The following GPSM2 variants were observed in gnomAD, a reference collection of about 807,000 sequenced individuals.
GPSM2 encodes G protein signaling modulator 2, also known as G protein-signaling modulator 2.
Under a neutral mutation model 78.4 loss-of-function variants are expected in GPSM2, and 58 were observed. The ratio of observed to expected loss-of-function variants is 0.74; its 90% confidence interval spans 0.60 to 0.92. GPSM2 has a LOEUF of 0.92. Ranked by LOEUF, GPSM2 falls within the 40% of genes least tolerant of loss-of-function variation. The pLI, the probability that GPSM2 is intolerant of heterozygous loss-of-function variation, is 0.00. For missense variants in GPSM2, 700 were observed against 815.5 expected (o/e 0.86, Z 1.73); for synonymous variants, 224 against 280.2 (o/e 0.80, Z 2.00).
At chr1:108,914,286 TGTACTC>T in intron 10 of GPSM2, 46 bp from the exon 11 acceptor site, 1 of 1,189,926 alleles carries the variant, frequency 8.4e-7, no homozygotes, top group Admixed American at 1.7e-5. Flanking sequence ...ATGCTGAACT[TGTACTC>T]TTAAGGGCTC....
rs957802790 is a variant in GPSM2 at position 108,932,557 on chromosome 1, T to C, written c.*2617T>C. 12 of 152,224 alleles carry C rather than the reference T, an allele frequency of 7.9e-5. No homozygotes were observed. Among genetic ancestry groups the C allele is most frequent in the Non-Finnish European group, 1.3e-4 (9 of 68,044 alleles). The allele number at this position is 152,224 out of a possible 1,614,324, so 9.4% of individuals were successfully genotyped here. On this transcript the variant is annotated 3_prime_UTR_variant, in exon 15 of 15. Coordinates refer to ENST00000264126, the MANE Select transcript of GPSM2 (RefSeq NM_013296.5). ...TATTTAAAAATTTTTTAAAAGAATTTGGTTTTGGATTAAAAGGCATGCAAG... is the reference window on the plus strand; with the variant it reads ...TATTTAAAAATTTTTTAAAAGAATTCGGTTTTGGATTAAAAGGCATGCAAG...
intron 10 of GPSM2, among the ~76,000 whole-genome samples, chr1:108,913,481 CAT>C (rs1649930432): frequency 6.6e-6 from 1 of 152,168 alleles, no homozygotes; most frequent in Admixed American, 6.5e-5. Flanking sequence ...ATCTCACAAA[CAT>C]AAGGTTTCTC....
rs1651930563 is a variant in GPSM2, at chr1:108,931,357, T to TAA, written c.*1418_*1419dup. ...AGGGGATGATAACAAAGTAACTAACTAACTGTAGCAAAAGACAAGTATGGG... is the reference window on the plus strand; with the variant it reads ...AGGGGATGATAACAAAGTAACTAACTAAAACTGTAGCAAAAGACAAGTATGGG... On this transcript the variant is annotated 3_prime_UTR_variant, in exon 15 of 15. Coordinates refer to ENST00000264126, the MANE Select transcript of GPSM2 (RefSeq NM_013296.5). 1 of 1,550,982 alleles carries TAA rather than the reference T, an allele frequency of 6.4e-7. No individual in the cohort carries two copies. The highest frequency in any genetic ancestry group is 2.0e-5 in the Admixed American group (1 of 50,954).
intron 2 of GPSM2, among the ~76,000 whole-genome samples, chr1:108,887,307 A>C (rs1647638125): frequency 6.6e-6 from 1 of 152,218 alleles, no homozygotes; most frequent in African/African-American, 2.4e-5. Flanking sequence ...TGTAACAGAC[A>C]CAACTCTCTA....
intron 12 of GPSM2, 95 bp from the exon 13 acceptor site, chr1:108,922,322 T>C: frequency 2.3e-6 from 2 of 885,024 alleles, no homozygotes; most frequent in Non-Finnish European, 3.8e-6. Context: ...CCTCATCCTT[T>C]ACCTTTTGCA....
chr1:108,897,753 A>C, intron 4 of GPSM2, 126 bp downstream of exon 4: 1 of 1,011,834 alleles, frequency 9.9e-7, no homozygotes, highest in African/African-American at 1.6e-5. Context: ...TTTATAGACT[A>C]ATAGAAGTAA....
Position 108,924,181 on chromosome 1 carries a change from TGAA to T in GPSM2, c.1785_1787del (p.Glu595del), listed in dbSNP as rs1276133696. The T allele has an allele frequency of 1.9e-6, 3 of 1,613,292 alleles. No homozygotes were observed. The highest frequency in any genetic ancestry group is 1.7e-6 in the Non-Finnish European group (2 of 1,179,358). On this transcript the variant is annotated inframe_deletion, in exon 14 of 15. Transcript: ENST00000264126. Reference sequence around the variant, plus strand: ...TGACTAATGACAACAAAGAGGCTGATGAAGATTTCTTTGACATCCTTGTAAAAT... The same window carrying T: ...TGACTAATGACAACAAAGAGGCTGATGATTTCTTTGACATCCTTGTAAAAT...
At chr1:108,919,923 TG>T (rs1447835225) in intron 12 of GPSM2, among the ~76,000 whole-genome samples, 1 of 150,840 alleles carries the variant, frequency 6.6e-6, no homozygotes, top group Non-Finnish European at 1.5e-5. Context: ...CCCAGCACTT[TG>T]GGAGGCAAAG....
intron 7 of GPSM2, among the ~76,000 whole-genome samples, chr1:108,900,525 C>A (rs531572933): frequency 2.0e-5 from 3 of 152,282 alleles, no homozygotes; most frequent in East Asian, 3.9e-4. Context: ...AGGCGTGAAC[C>A]ACCACACCCA....
chr1:108,918,485 T>A, intron 11 of GPSM2, 128 bp from the exon 12 acceptor site: 1 of 693,272 alleles, frequency 1.4e-6, no homozygotes, highest in Non-Finnish European at 2.5e-6. Flanking sequence ...TTTAAAGAGA[T>A]CTAAAATTCT....
rs1456625996 is a variant in GPSM2 at position 108,903,190 on chromosome 1, C to G, written c.1018C>G (p.Gln340Glu). ...ATACACAGCACTAGGAAATCATGAT[C>G]AAGCAATGCATTTTGCTGAAAAGCA... ...NAYTALGNHD[Q>E]AMHFAEKHLE... Residue 340 changes from glutamine (Q) to glutamate (E), a missense_variant, in exon 9 of 15, where the codon CAA (glutamine) becomes GAA (glutamate). Transcript: ENST00000264126. 5.0e-6 allele frequency: 8 copies of G among 1,610,248 alleles called. No individual in the cohort carries two copies. The East Asian group carries it at 1.8e-4, about 36-fold the overall frequency.
At position 108,932,513 on chromosome 1, in the gene GPSM2, G is replaced by T. The variant is rs1652171575; in HGVS notation, c.*2573G>T. Reference sequence around the variant, plus strand: ...CCCCAAATGGATATCTGTAATGAAAGAATACAAAGGTGAAATTTTATTTAA... The same window carrying T: ...CCCCAAATGGATATCTGTAATGAAATAATACAAAGGTGAAATTTTATTTAA... On this transcript the variant is annotated 3_prime_UTR_variant, in exon 15 of 15. Transcript: ENST00000264126. 6.6e-6 allele frequency: 1 copy of T among 152,162 alleles called. No homozygotes were observed. The highest frequency in any genetic ancestry group is 2.4e-5 in the African/African-American group (1 of 41,446). The allele number at this position is 152,162 out of a possible 1,614,324, so 9.4% of individuals were successfully genotyped here. A position where few individuals can be genotyped will look rare whatever the true frequency, so the allele number is the denominator to read the frequency against.
intron 2 of GPSM2, among the ~76,000 whole-genome samples, chr1:108,892,732 G>A (rs1359395565): frequency 2.0e-5 from 3 of 152,234 alleles, no homozygotes; most frequent in Admixed American, 1.3e-4. Flanking sequence ...TACTTTCTCT[G>A]TTACTATTTA....
intron 11 of GPSM2, among the ~76,000 whole-genome samples, chr1:108,917,595 TACAC>T (rs71593443): frequency 1.2e-4 from 7 of 57,284 alleles, no homozygotes; most frequent in African/African-American, 3.3e-4. Context: ...AACAAATGTA[TACAC>T]ACACACACAC....
rs1051118418 is a variant in GPSM2 at position 108,930,813 on chromosome 1, C to T, written c.*873C>T. ...CTGAGGCAGGAGAATCACTTGAACC[C>T]CTGGGAGGCAGAGATTGCAGTGAGC... On this transcript the variant is annotated 3_prime_UTR_variant, in exon 15 of 15. Transcript: ENST00000264126. 2 of 152,632 alleles carry T rather than the reference C, an allele frequency of 1.3e-5. No homozygotes were observed. Among genetic ancestry groups the T allele is most frequent in the African/African-American group, 4.8e-5 (2 of 41,362 alleles). 9.5% of individuals were successfully genotyped at this position (152,632 alleles called of 1,614,324 possible). A position where few individuals can be genotyped will look rare whatever the true frequency, so the allele number is the denominator to read the frequency against.
Position 108,930,211 on chromosome 1 carries a change from T to C in GPSM2, c.*271T>C. On this transcript the variant is annotated 3_prime_UTR_variant, in exon 15 of 15. Transcript: ENST00000264126. Reference sequence around the variant, plus strand: ...GCTTGTGAGATTACTTTACCTAGTGTTTATAAAGTAGGAAGTTAAGTGAAT... The same window carrying C: ...GCTTGTGAGATTACTTTACCTAGTGCTTATAAAGTAGGAAGTTAAGTGAAT... 2.8e-6 allele frequency: 1 copy of C among 362,608 alleles called. No homozygotes were observed. The highest frequency in any genetic ancestry group is 5.0e-6 in the Non-Finnish European group (1 of 201,230). 22.5% of individuals were successfully genotyped at this position (362,608 alleles called of 1,614,324 possible).
intron 14 of GPSM2, among the ~76,000 whole-genome samples, chr1:108,924,596 C>G (rs1241539478): frequency 6.6e-6 from 1 of 152,078 alleles, no homozygotes; most frequent in African/African-American, 2.4e-5. Flanking sequence ...TTAGAGAAGA[C>G]CTTTCTGGAT....
chr1:108,931,510 A>ACC lies in GPSM2; in HGVS notation c.*1573_*1574dup. The stretch of plus-strand genomic sequence containing the variant: ...GCTGGGATGGGATCTGGGGATGTGG[A>ACC]CCCCTATTCTTTCAAAAAGTCATTC... On this transcript the variant is annotated 3_prime_UTR_variant, in exon 15 of 15. Coordinates refer to ENST00000264126, the MANE Select transcript of GPSM2 (RefSeq NM_013296.5). The ACC allele has an allele frequency of 6.5e-7, 1 of 1,536,848 alleles. No individual in the cohort carries two copies. The highest frequency in any genetic ancestry group is 8.8e-7 in the Non-Finnish European group (1 of 1,139,830).
At chr1:108,914,809 A>G (rs1664418) in intron 11 of GPSM2, among the ~76,000 whole-genome samples, 3,218 of 152,316 alleles carry the variant, frequency 0.021, 112 homozygotes, top group African/African-American at 0.072. Flanking sequence ...TCAAAAGGAC[A>G]AGCTTTTTTC....
Sources: gnomAD v4.1 joint callset for allele counts (sites outside exome capture counted in the v4.1 genomes callset) on GRCh38, gnomAD v4.1.1 for gene constraint, MANE v1.5 for transcripts, NCBI Gene and HGNC (gene_info 2026-07-23, HGNC 2026-07-21) for gene names.